Variants in FAM135B observed in about 807,000 individuals in gnomAD.
FAM135B encodes protein FAM135B.
FAM135B carries 43 observed loss-of-function variants against 127.7 expected under a neutral mutation model. That is an observed-to-expected ratio of 0.34 (90% confidence interval 0.26 to 0.43). The LOEUF (loss-of-function observed/expected upper bound fraction) is 0.43, where lower values mean the gene tolerates loss of function less well. FAM135B is among the 20% of genes least tolerant of loss of function. The pLI, the probability that FAM135B is intolerant of heterozygous loss-of-function variation, is 1.00. For missense variants in FAM135B, 1,558 were observed against 1,725.6 expected (o/e 0.90, Z 1.72); for synonymous variants, 670 against 665.1 (o/e 1.01, Z -0.11).
chr8:138,497,385 C>T (rs1352300500), upstream of FAM135B, among the ~76,000 whole-genome samples: 3 of 151,190 alleles, frequency 2.0e-5, no homozygotes, highest in Non-Finnish European at 4.4e-5. Context: ...GTGCCCAGGG[C>T]GCAGGCTGCG....
intron 12 of FAM135B, among the ~76,000 whole-genome samples, chr8:138,164,827 T>C (rs1039178815): frequency 5.3e-5 from 8 of 152,212 alleles, no homozygotes; most frequent in Non-Finnish European, 1.0e-4. Flanking sequence ...CACGGGTGCA[T>C]GTCCTCAACC....
intron 1 of FAM135B, among the ~76,000 whole-genome samples, chr8:138,412,015 G>C (rs559313360): frequency 6.6e-6 from 1 of 152,110 alleles, no homozygotes; most frequent in Admixed American, 6.6e-5. Flanking sequence ...CTAAACATTG[G>C]TTAGACATGG....
At chr8:138,134,106 T>A (rs1440021750) in intron 19 of FAM135B, among the ~76,000 whole-genome samples, 3 of 152,158 alleles carry the variant, frequency 2.0e-5, no homozygotes, top group East Asian at 3.9e-4. Context: ...ATTTTATGTA[T>A]GAAATAGTCC....
intron 3 of FAM135B, among the ~76,000 whole-genome samples, chr8:138,303,732 G>A (rs1183130214): frequency 6.6e-6 from 1 of 152,212 alleles, no homozygotes; most frequent in Admixed American, 6.5e-5. Context: ...GTGTCCTGGT[G>A]CGTGCACCTG....
intron 1 of FAM135B, among the ~76,000 whole-genome samples, chr8:138,396,443 T>A (rs1290346045): frequency 6.6e-6 from 1 of 152,180 alleles, no homozygotes; most frequent in Admixed American, 6.5e-5. Context: ...TGAATTCCAA[T>A]GACTCAGGGC....
chr8:138,476,931 C>T (rs933458592), intron 1 of FAM135B, among the ~76,000 whole-genome samples: 8 of 152,076 alleles, frequency 5.3e-5, no homozygotes, highest in East Asian at 1.9e-4. Context: ...TGGGTTTTCC[C>T]GATTATGGAG....
intron 3 of FAM135B, among the ~76,000 whole-genome samples, chr8:138,292,175 A>G (rs2130800214): frequency 6.6e-6 from 1 of 152,280 alleles, no homozygotes; most frequent in Admixed American, 6.5e-5. Flanking sequence ...TATAGTAGCT[A>G]CAAAAACAAT....
chr8:138,492,154 A>G (rs934716337), intron 1 of FAM135B, among the ~76,000 whole-genome samples: 1 of 152,166 alleles, frequency 6.6e-6, no homozygotes, highest in African/African-American at 2.4e-5. Context: ...AGGGACATCA[A>G]TTCAGAGCCT....
At chr8:138,391,599 G>A (rs1170307099) in intron 1 of FAM135B, among the ~76,000 whole-genome samples, 3 of 152,104 alleles carry the variant, frequency 2.0e-5, no homozygotes, top group African/African-American at 4.8e-5. Context: ...AAAGGAGCAG[G>A]CTAGCTGGTG....
Position 138,272,741 on chromosome 8 carries a change from A to C in FAM135B, c.158-6899T>G, listed in dbSNP as rs1251216137. 2.0e-5 allele frequency among the ~76,000 whole-genome samples: 3 copies of C among 152,164 alleles called. No individual in the cohort carries two copies. In the East Asian group the frequency reaches 5.8e-4, roughly 29 times the overall value. Reference sequence around the variant, plus strand: ...TACACTTTAGTTGCTCAACACAGAAACCCACTGGATTTCCTTCGATTGGTC... The same window carrying C: ...TACACTTTAGTTGCTCAACACAGAACCCCACTGGATTTCCTTCGATTGGTC... On this transcript the variant is annotated intron_variant, in intron 3 of 19. Coordinates refer to ENST00000395297, the MANE Select transcript of FAM135B (RefSeq NM_015912.4).
At chr8:138,277,340 A>G (rs1823906580) in intron 3 of FAM135B, among the ~76,000 whole-genome samples, 1 of 152,150 alleles carries the variant, frequency 6.6e-6, no homozygotes, top group South Asian at 2.1e-4. Flanking sequence ...CCCTCTCTCC[A>G]GCTCAAACCT....
intron 2 of FAM135B, among the ~76,000 whole-genome samples, chr8:138,365,812 C>G (rs1830696348): frequency 6.6e-6 from 1 of 152,142 alleles, no homozygotes; most frequent in Non-Finnish European, 1.5e-5. Context: ...TTGCACACTG[C>G]AGTATTTTGC....
At chr8:138,457,540 G>A (rs1836861135) in intron 1 of FAM135B, among the ~76,000 whole-genome samples, 1 of 152,116 alleles carries the variant, frequency 6.6e-6, no homozygotes, top group South Asian at 2.1e-4. Flanking sequence ...ACACTGAGCT[G>A]GTGACTCTCC....
At chr8:138,493,476 C>T (rs1383755541) in intron 1 of FAM135B, among the ~76,000 whole-genome samples, 1 of 152,160 alleles carries the variant, frequency 6.6e-6, no homozygotes, top group African/African-American at 2.4e-5. Context: ...CTATCATTTG[C>T]AAATTACAGA....
At chr8:138,196,130 T>C (rs1483306739) in intron 8 of FAM135B, among the ~76,000 whole-genome samples, 1 of 152,210 alleles carries the variant, frequency 6.6e-6, no homozygotes, top group African/African-American at 2.4e-5. Context: ...ATAGTACATG[T>C]CCAGTAAAAT....
At chr8:138,433,159 T>C (rs1365934942) in intron 1 of FAM135B, among the ~76,000 whole-genome samples, 1 of 152,164 alleles carries the variant, frequency 6.6e-6, no homozygotes. Flanking sequence ...AAACAAGATT[T>C]ACTGATTACT....
intron 15 of FAM135B, among the ~76,000 whole-genome samples, chr8:138,143,534 A>C (rs935262081): frequency 2.0e-5 from 3 of 152,158 alleles, no homozygotes; most frequent in Admixed American, 1.3e-4. Context: ...TCTGTGGCAT[A>C]GCCTTTAGAG....
chr8:138,383,212 C>T (rs970452146), intron 1 of FAM135B, among the ~76,000 whole-genome samples: 6 of 152,298 alleles, frequency 3.9e-5, no homozygotes, highest in Admixed American at 2.0e-4. Context: ...TCCAGGGGTA[C>T]CCAGTGTCCT....
chr8:138,305,194 C>T (rs750679487), intron 3 of FAM135B, among the ~76,000 whole-genome samples: 1 of 152,182 alleles, frequency 6.6e-6, no homozygotes, highest in Non-Finnish European at 1.5e-5. Context: ...TGGAAATTAC[C>T]TCTCAAAACA....
Sources: allele counts gnomAD v4.1 joint callset (sites outside exome capture counted in the v4.1 genomes callset), GRCh38; gene constraint gnomAD v4.1.1; transcripts MANE v1.5; gene names NCBI Gene and HGNC (gene_info 2026-07-23, HGNC 2026-07-21).